Variants in GRM7 observed in about 807,000 individuals in gnomAD.
GRM7 encodes metabotropic glutamate receptor 7.
Under a neutral mutation model 84.5 loss-of-function variants are expected in GRM7, and 35 were observed. The observed-to-expected ratio is 0.41, with a 90% CI of 0.32 to 0.55. GRM7 has a LOEUF of 0.55. GRM7 is among the 20% of genes least tolerant of loss of function. The probability of loss-of-function intolerance (pLI) is 0.19; values close to 1 mark genes in which losing one functional copy is unlikely to be tolerated. For synonymous variants in GRM7, 487 were observed against 455.1 expected (o/e 1.07, Z -0.89); for missense variants, 1,003 against 1,194.6 (o/e 0.84, Z 2.36).
chr3:7,193,930 C>T (rs374958698), intron 2 of GRM7, among the ~76,000 whole-genome samples: 1 of 152,042 alleles, frequency 6.6e-6, no homozygotes, highest in Non-Finnish European at 1.5e-5. Context: ...GAGCTGACAA[C>T]AGATATCTTG....
intron 1 of GRM7, among the ~76,000 whole-genome samples, chr3:7,070,349 G>A (rs1184463200): frequency 1.3e-5 from 2 of 152,060 alleles, no homozygotes; most frequent in South Asian, 2.1e-4. Flanking sequence ...TGCTCTCAAT[G>A]TTGTAGTCTC....
chr3:7,495,052 G>T (rs1215005595), intron 7 of GRM7, among the ~76,000 whole-genome samples: 1 of 152,148 alleles, frequency 6.6e-6, no homozygotes, highest in Non-Finnish European at 1.5e-5. Context: ...AGGAGGCATT[G>T]TGTCTTATAT....
At chr3:7,593,272 G>A (rs771233607) in intron 8 of GRM7, among the ~76,000 whole-genome samples, 5 of 152,088 alleles carry the variant, frequency 3.3e-5, no homozygotes, top group African/African-American at 4.8e-5. Context: ...CAGTGATTTT[G>A]TGGTTATATC....
At chr3:7,100,899 A>G (rs184347642) in intron 1 of GRM7, among the ~76,000 whole-genome samples, 4 of 151,710 alleles carry the variant, frequency 2.6e-5, no homozygotes, top group Admixed American at 1.3e-4. Flanking sequence ...CATGTTTTTG[A>G]GATTCATCTA....
intron 1 of GRM7, among the ~76,000 whole-genome samples, chr3:6,968,891 G>T (rs969816294): frequency 1.3e-5 from 2 of 152,150 alleles, no homozygotes; most frequent in African/African-American, 4.8e-5. Flanking sequence ...TGAGCCCAGG[G>T]TTGTCAGATT....
chr3:7,538,633 A>G (rs1692693680), intron 7 of GRM7, among the ~76,000 whole-genome samples: 1 of 152,196 alleles, frequency 6.6e-6, no homozygotes, highest in Non-Finnish European at 1.5e-5. Context: ...ATTGTATTCA[A>G]ATCAGTAAAC....
At chr3:7,214,843 A>G (rs1696548406) in intron 2 of GRM7, among the ~76,000 whole-genome samples, 1 of 152,178 alleles carries the variant, frequency 6.6e-6, no homozygotes, top group South Asian at 2.1e-4. Context: ...TTATTCAGAC[A>G]CCTAGAGATT....
intron 8 of GRM7, among the ~76,000 whole-genome samples, chr3:7,635,016 T>C (rs1042711846): frequency 1.3e-5 from 2 of 152,180 alleles, no homozygotes; most frequent in Non-Finnish European, 2.9e-5. Flanking sequence ...TAGAATTTTC[T>C]GTAATGATGG....
chr3:7,304,479 C>T (rs1359942357), intron 3 of GRM7, among the ~76,000 whole-genome samples: 2 of 151,284 alleles, frequency 1.3e-5, no homozygotes, highest in Non-Finnish European at 2.9e-5. Flanking sequence ...AGTTTTTAAA[C>T]TTGAAAATTT....
chr3:7,431,967 T>C (rs1696848909), intron 5 of GRM7, among the ~76,000 whole-genome samples: 2 of 152,178 alleles, frequency 1.3e-5, no homozygotes, highest in African/African-American at 4.8e-5. Context: ...TGATGGGCCA[T>C]AAAGTTAGGT....
At chr3:7,095,277 C>A (rs1260188764) in intron 1 of GRM7, among the ~76,000 whole-genome samples, 1 of 152,094 alleles carries the variant, frequency 6.6e-6, no homozygotes, top group African/African-American at 2.4e-5. Flanking sequence ...TCTCCAGTTC[C>A]ACTCTTTTGC....
chr3:7,301,692 G>T (rs1426778796), intron 3 of GRM7, among the ~76,000 whole-genome samples: 1 of 152,022 alleles, frequency 6.6e-6, no homozygotes, highest in African/African-American at 2.4e-5. Context: ...AAACATTATT[G>T]TATATTGTCA....
At position 6,871,260 on chromosome 3, in the gene GRM7, G is replaced by A. The variant is rs530825761; in HGVS notation, c.519+9353G>A. Among the ~76,000 whole-genome samples the A allele has an allele frequency of 1.7e-4, 26 of 152,126 alleles. No individual in the cohort carries two copies. The South Asian group carries it at 5.4e-3, about 32-fold the overall frequency. On this transcript the variant is annotated intron_variant, in intron 1 of 9. Coordinates refer to ENST00000357716, the MANE Select transcript of GRM7 (RefSeq NM_000844.4). ...TATAATTGCAACCATATTTTGTAAGGTTTAAATTAGTTGGATAGGGTGGCT... is the reference window on the plus strand; with the variant it reads ...TATAATTGCAACCATATTTTGTAAGATTTAAATTAGTTGGATAGGGTGGCT...
chr3:7,513,013 T>C (rs560331111), intron 7 of GRM7, among the ~76,000 whole-genome samples: 40 of 152,340 alleles, frequency 2.6e-4, no homozygotes, highest in African/African-American at 9.4e-4. Flanking sequence ...CAGTTACAGA[T>C]GGCTGCCAGG....
intron 2 of GRM7, among the ~76,000 whole-genome samples, chr3:7,217,598 C>T (rs1696657545): frequency 6.7e-6 from 1 of 150,058 alleles, no homozygotes. Flanking sequence ...CTCATCTGTC[C>T]ACACACCCAT....
At chr3:7,315,341 T>C (rs1254621500) in intron 4 of GRM7, among the ~76,000 whole-genome samples, 1 of 152,220 alleles carries the variant, frequency 6.6e-6, no homozygotes, top group Non-Finnish European at 1.5e-5. Context: ...CTATTTTACA[T>C]AGGTACTTTT....
rs577158970 is a variant in GRM7 at position 6,935,194 on chromosome 3, A to T, written c.519+73287A>T. On this transcript the variant is annotated intron_variant, in intron 1 of 9. Coordinates refer to ENST00000357716, the MANE Select transcript of GRM7 (RefSeq NM_000844.4). ...AAAGAGAAATTGTTAGGAACAATTA[A>T]ATGATTCCTTCTACTTGATTCCACA... 2.0e-5 allele frequency among the ~76,000 whole-genome samples: 3 copies of T among 152,332 alleles called. No individual in the cohort carries two copies. The South Asian group carries it at 6.2e-4, about 32-fold the overall frequency.
intron 1 of GRM7, chr3:6,956,635 T>A (rs1308305484): frequency 4.4e-6 from 2 of 456,710 alleles, no homozygotes; most frequent in Admixed American, 4.7e-5. Context: ...TTCAAGCTCA[T>A]CTTTTCTGTG....
At chr3:7,424,339 C>G (rs1339325722) in intron 5 of GRM7, among the ~76,000 whole-genome samples, 1 of 152,000 alleles carries the variant, frequency 6.6e-6, no homozygotes, top group East Asian at 1.9e-4. Flanking sequence ...CAGGGCTCCT[C>G]CATGACTTAA....
Sources: gnomAD v4.1 joint callset for allele counts (sites outside exome capture counted in the v4.1 genomes callset) on GRCh38, gnomAD v4.1.1 for gene constraint, MANE v1.5 for transcripts, NCBI Gene and HGNC (gene_info 2026-07-23, HGNC 2026-07-21) for gene names.